The following CADPS2 variants were observed in gnomAD, a reference collection of about 807,000 sequenced individuals.
CADPS2 encodes the protein calcium dependent secretion activator 2.
In CADPS2, 93 loss-of-function variants were observed where a neutral mutation model predicts 172.5. That is an observed-to-expected ratio of 0.54 (90% CI 0.46 to 0.64). The LOEUF is 0.64. Among genes scored for constraint, CADPS2 ranks in the 30% least tolerant of loss-of-function variants. CADPS2 has a pLI of 0.00. For synonymous variants in CADPS2, 546 were observed against 555.2 expected (o/e 0.98, Z 0.23); for missense variants, 1,420 against 1,565.9 (o/e 0.91, Z 1.57).
intron 24 of CADPS2, among the ~76,000 whole-genome samples, chr7:122,385,956 T>C (rs1161240938): frequency 2.0e-5 from 3 of 152,106 alleles, no homozygotes; most frequent in Non-Finnish European, 4.4e-5. Context: ...TCTGCTCCTA[T>C]AGTTATTCAG....
chr7:122,885,780 T>C (rs1253406942), intron 1 of CADPS2, among the ~76,000 whole-genome samples: 1 of 152,142 alleles, frequency 6.6e-6, no homozygotes, highest in Non-Finnish European at 1.5e-5. Context: ...TGACAGCTCC[T>C]GCCAGCCCAG....
rs543682520 is a variant in CADPS2 at position 122,341,551 on chromosome 7, T to C, written c.3612+4023A>G. Among the ~76,000 whole-genome samples the C allele has an allele frequency of 2.7e-4, 41 of 152,320 alleles. No homozygotes were observed. The South Asian group carries it at 8.1e-3, about 30-fold the overall frequency. ...GAGCTGTGGTTGGAACTCAAGTTTC[T>C]GCATTCTCAGACCAGAGCTCTTCCC... is the stretch of plus-strand genomic sequence containing the variant. On this transcript the variant is annotated intron_variant, in intron 28 of 29. Transcript: ENST00000449022.
intron 28 of CADPS2, among the ~76,000 whole-genome samples, chr7:122,336,024 T>C (rs1443751): frequency 0.21 from 32,211 of 152,190 alleles, 3,945 homozygotes; most frequent in East Asian, 0.45. Flanking sequence ...GACAGCAAAA[T>C]TTAGATGATG....
At chr7:122,692,278 G>A (rs759269636) in intron 2 of CADPS2, among the ~76,000 whole-genome samples, 3 of 152,158 alleles carry the variant, frequency 2.0e-5, no homozygotes, top group Admixed American at 6.5e-5. Flanking sequence ...GTGGTGGGGG[G>A]AGGGTCCCTA....
chr7:122,518,770 T>C (rs755600468), intron 8 of CADPS2, among the ~76,000 whole-genome samples: 9 of 151,852 alleles, frequency 5.9e-5, no homozygotes, highest in Non-Finnish European at 1.0e-4. Context: ...TTTAACTGGG[T>C]TTTATGTGAC....
At chr7:122,394,628 GTT>G (rs2044818308) in intron 20 of CADPS2, among the ~76,000 whole-genome samples, 1 of 151,864 alleles carries the variant, frequency 6.6e-6, no homozygotes, top group African/African-American at 2.4e-5. Flanking sequence ...TAGCAAACAA[GTT>G]TTGGGAAGGA....
chr7:122,719,018 A>AGG (rs1564165634), intron 2 of CADPS2, among the ~76,000 whole-genome samples: 1 of 151,950 alleles, frequency 6.6e-6, no homozygotes, highest in East Asian at 1.9e-4. Context: ...AATGTACACA[A>AGG]TTTTGAGGAA....
chr7:122,880,826 CA>C (rs1822735223), intron 1 of CADPS2, among the ~76,000 whole-genome samples: 1 of 152,148 alleles, frequency 6.6e-6, no homozygotes, highest in South Asian at 2.1e-4. Flanking sequence ...AGATTTTGGA[CA>C]ACAATTCCAT....
chr7:122,380,653 A>T (rs1357033906), intron 24 of CADPS2, among the ~76,000 whole-genome samples: 3 of 152,086 alleles, frequency 2.0e-5, no homozygotes, highest in Non-Finnish European at 4.4e-5. Flanking sequence ...GGAGTGTCTG[A>T]ATTATTTTCT....
At chr7:122,434,419 G>A (rs1475019203) in intron 17 of CADPS2, among the ~76,000 whole-genome samples, 1 of 152,038 alleles carries the variant, frequency 6.6e-6, no homozygotes, top group African/African-American at 2.4e-5. Context: ...TTATAACATT[G>A]CATACAAAAT....
intron 24 of CADPS2, among the ~76,000 whole-genome samples, chr7:122,379,938 C>A (rs947196839): frequency 6.6e-6 from 1 of 152,096 alleles, no homozygotes; most frequent in Admixed American, 6.6e-5. Flanking sequence ...GCACAGGGAG[C>A]AGCAGTTTAT....
intron 20 of CADPS2, among the ~76,000 whole-genome samples, chr7:122,396,991 A>G (rs1483704820): frequency 6.6e-6 from 1 of 152,258 alleles, no homozygotes; most frequent in African/African-American, 2.4e-5. Flanking sequence ...TATAAAACCT[A>G]TTGAGGCCTG....
chr7:122,438,700 T>C (rs1420013151), intron 16 of CADPS2, among the ~76,000 whole-genome samples: 1 of 152,096 alleles, frequency 6.6e-6, no homozygotes, highest in Non-Finnish European at 1.5e-5. Context: ...GCCTAATTTA[T>C]GCATATCAAA....
chr7:122,778,962 T>C (rs933154652), intron 1 of CADPS2, among the ~76,000 whole-genome samples: 3 of 152,136 alleles, frequency 2.0e-5, no homozygotes, highest in African/African-American at 7.2e-5. Flanking sequence ...AATTGAATCA[T>C]GGCAGTGGGT....
chr7:122,572,194 G>A (rs1036815171), intron 7 of CADPS2, among the ~76,000 whole-genome samples: 1 of 152,060 alleles, frequency 6.6e-6, no homozygotes, highest in East Asian at 1.9e-4. Flanking sequence ...ATCATATGCT[G>A]CAAGATGGAA....
At chr7:122,759,174 G>A (rs2093287062) in intron 1 of CADPS2, among the ~76,000 whole-genome samples, 1 of 152,132 alleles carries the variant, frequency 6.6e-6, no homozygotes, top group South Asian at 2.1e-4. Flanking sequence ...CCAAAATACT[G>A]TGGAGCTTGT....
chr7:122,504,995 TTAGA>T (rs2059503725), intron 9 of CADPS2, among the ~76,000 whole-genome samples: 1 of 152,230 alleles, frequency 6.6e-6, no homozygotes, highest in Admixed American at 6.5e-5. Context: ...AAATGTAGTT[TTAGA>T]TACTAAATTT....
chr7:122,356,306 AT>A (rs112399631), intron 27 of CADPS2, among the ~76,000 whole-genome samples: 3 of 151,908 alleles, frequency 2.0e-5, no homozygotes, highest in African/African-American at 7.2e-5. Flanking sequence ...GATATGTCTG[AT>A]TTTTTTTGAT....
At chr7:122,695,547 CAT>C (rs761529270) in intron 2 of CADPS2, among the ~76,000 whole-genome samples, 192 of 152,284 alleles carry the variant, frequency 1.3e-3, no homozygotes, top group Middle Eastern at 3.4e-3. Flanking sequence ...TTTGTTCTGA[CAT>C]AAAAGAAACA....
Sources: allele counts gnomAD v4.1 joint callset (sites outside exome capture counted in the v4.1 genomes callset), GRCh38; gene constraint gnomAD v4.1.1; transcripts MANE v1.5; gene names NCBI Gene and HGNC (gene_info 2026-07-23, HGNC 2026-07-21).